Variants in DNAH7 observed in about 807,000 individuals in gnomAD.
DNAH7 encodes dynein axonemal heavy chain 7.
In DNAH7, 397 loss-of-function variants were observed where a neutral mutation model predicts 444.6. That is an observed-to-expected ratio of 0.89 (90% CI 0.82 to 0.97). DNAH7 has a LOEUF of 0.97. Among genes scored for constraint, DNAH7 ranks in the 50% least tolerant of loss-of-function variants. The probability of loss-of-function intolerance (pLI) is 0.00; values close to 1 mark genes in which losing one functional copy is unlikely to be tolerated. For synonymous variants in DNAH7, 1,636 were observed against 1,624.4 expected (o/e 1.01, Z -0.17); for missense variants, 4,902 against 4,800.8 (o/e 1.02, Z -0.62).
At chr2:195,814,566 G>T (rs1258912600) in intron 51 of DNAH7, among the ~76,000 whole-genome samples, 1 of 152,056 alleles carries the variant, frequency 6.6e-6, no homozygotes, top group African/African-American at 2.4e-5. Context: ...GCAGACCAAA[G>T]AAATTTTCTT....
At chr2:195,950,034 G>A (rs897731087) in intron 19 of DNAH7, among the ~76,000 whole-genome samples, 6 of 152,298 alleles carry the variant, frequency 3.9e-5, no homozygotes, top group Middle Eastern at 3.4e-3. Flanking sequence ...TCGCATCAAT[G>A]TCCATCAGGG....
At chr2:196,005,034 G>A (rs967272203) in intron 10 of DNAH7, among the ~76,000 whole-genome samples, 7 of 150,566 alleles carry the variant, frequency 4.6e-5, no homozygotes, top group Admixed American at 1.3e-4. Context: ...ACTTTGGGAG[G>A]CCAAGGCAGG....
chr2:195,888,217 T>G, intron 33 of DNAH7, 41 bp downstream of exon 33: 1 of 1,519,060 alleles, frequency 6.6e-7, no homozygotes, highest in Non-Finnish European at 8.9e-7. Context: ...AATTTGAGTT[T>G]TCCATTTATT....
chr2:195,795,311 G>T (rs1250467380), intron 56 of DNAH7, among the ~76,000 whole-genome samples: 1 of 152,174 alleles, frequency 6.6e-6, no homozygotes, highest in Non-Finnish European at 1.5e-5. Flanking sequence ...GAACCCAGGG[G>T]GCGGAGGTTG....
At chr2:195,886,524 T>C (rs745340976) in intron 33 of DNAH7, among the ~76,000 whole-genome samples, 17 of 152,172 alleles carry the variant, frequency 1.1e-4, no homozygotes, top group Admixed American at 3.3e-4. Flanking sequence ...GTGCAGTTAA[T>C]TTAAGATATG....
At chr2:196,031,103 T>C (rs143727914) in intron 5 of DNAH7, among the ~76,000 whole-genome samples, 1,696 of 152,366 alleles carry the variant, frequency 0.011, 34 homozygotes, top group East Asian at 0.069. Context: ...GGCATTTCCA[T>C]ACATCTTCTG....
intron 48 of DNAH7, among the ~76,000 whole-genome samples, chr2:195,830,538 G>A (rs554960142): frequency 4.6e-5 from 7 of 152,252 alleles, no homozygotes; most frequent in African/African-American, 1.4e-4. Context: ...GTGCCCTTAA[G>A]CAGCTTGTAG....
At chr2:196,027,082 G>A (rs1695735630) in intron 6 of DNAH7, 142 bp from the exon 7 acceptor site, 1 of 589,534 alleles carries the variant, frequency 1.7e-6, no homozygotes, top group African/African-American at 1.9e-5. Flanking sequence ...AATTCACATA[G>A]GTATTATTTG....
chr2:196,068,508 TG>T, intron 1 of DNAH7, 188 bp downstream of exon 1: 1 of 747,668 alleles, frequency 1.3e-6, no homozygotes, highest in Non-Finnish European at 2.1e-6. Flanking sequence ...GGCAAACAGC[TG>T]GGAAGGGAAC....
At chr2:195,887,484 G>T (rs1701772418) in intron 33 of DNAH7, among the ~76,000 whole-genome samples, 1 of 151,944 alleles carries the variant, frequency 6.6e-6, no homozygotes, top group Non-Finnish European at 1.5e-5. Flanking sequence ...TCTATCTCTT[G>T]CTCTCTTCTT....
intron 29 of DNAH7, among the ~76,000 whole-genome samples, chr2:195,896,833 T>C (rs1702347388): frequency 6.6e-6 from 1 of 152,186 alleles, no homozygotes; most frequent in South Asian, 2.1e-4. Context: ...TAAAGCTCTT[T>C]TCAGAATGAT....
At chr2:196,026,150 T>C (rs1695674143) in intron 7 of DNAH7, among the ~76,000 whole-genome samples, 1 of 152,224 alleles carries the variant, frequency 6.6e-6, no homozygotes, top group South Asian at 2.1e-4. Context: ...TTTGCTCTTG[T>C]AGCTCAAAAG....
chr2:195,798,139 T>A (rs1404799147), intron 55 of DNAH7, among the ~76,000 whole-genome samples: 2 of 152,230 alleles, frequency 1.3e-5, no homozygotes, highest in Non-Finnish European at 2.9e-5. Context: ...TTTCTATGCC[T>A]TATATCAATT....
At chr2:196,018,843 G>A (rs943905020) in intron 9 of DNAH7, among the ~76,000 whole-genome samples, 2 of 152,032 alleles carry the variant, frequency 1.3e-5, no homozygotes, top group African/African-American at 4.8e-5. Flanking sequence ...GTAACACAAA[G>A]GAAAAATGCT....
In DNAH7 at chr2:195,972,438, T is replaced by A. The variant is rs1296261052; in HGVS notation, c.1862A>T (p.Asp621Val). 1 of 1,614,094 alleles carries A rather than the reference T, an allele frequency of 6.2e-7. No homozygotes were observed. Among genetic ancestry groups the A allele is most frequent in the Non-Finnish European group, 8.5e-7 (1 of 1,179,970 alleles). ...KAYIQKVEVT[D>V]MIELEQRLVD... The stretch of plus-strand genomic sequence containing the variant: ...TAATCTCTGTTCTAGTTCAATCATA[T>A]CAGTTACCTCCACTTTCTGAATGTA... The change falls in exon 16 of 65, where the codon GAT becomes GTT. Residue 621 changes from aspartate to valine, a missense_variant. Transcript: ENST00000312428.
At chr2:195,778,644 ATAT>A (rs1252390871) in intron 58 of DNAH7, among the ~76,000 whole-genome samples, 534 of 38,978 alleles carry the variant, frequency 0.014, 28 homozygotes, top group African/African-American at 0.019. Flanking sequence ...AAATAAATAA[ATAT>A]ATATATATAT....
intron 29 of DNAH7, 51 bp from the exon 30 acceptor site, chr2:195,895,275 A>G (rs1445117503): frequency 9.5e-6 from 12 of 1,259,276 alleles, no homozygotes; most frequent in East Asian, 5.3e-5. Context: ...TATATTAAAT[A>G]CAAATATTTT....
At chr2:195,772,634 C>T (rs531853693) in intron 60 of DNAH7, among the ~76,000 whole-genome samples, 25 of 152,214 alleles carry the variant, frequency 1.6e-4, no homozygotes, top group African/African-American at 5.8e-4. Context: ...TTTTACCAGT[C>T]AAAGGAAACT....
chr2:195,737,894 TAGGAACA>T lies in DNAH7; in HGVS notation c.*20_*26del. 1 of 1,605,324 alleles carries T rather than the reference TAGGAACA, an allele frequency of 6.2e-7. No homozygotes were observed. Among genetic ancestry groups the T allele is most frequent in the Non-Finnish European group, 8.5e-7 (1 of 1,172,888 alleles). On this transcript the variant is annotated 3_prime_UTR_variant, in exon 65 of 65. Transcript: ENST00000312428. ...CTCTACTCAGCCAGCCAACAAGAAA[TAGGAACA>T]AGGAAATGATGTCTTCTGGTTATGA...
Sources: gnomAD v4.1 joint callset for allele counts (sites outside exome capture counted in the v4.1 genomes callset) on GRCh38, gnomAD v4.1.1 for gene constraint, MANE v1.5 for transcripts, NCBI Gene and HGNC (gene_info 2026-07-23, HGNC 2026-07-21) for gene names.